Variants in PLCG2 observed in about 807,000 individuals in gnomAD.
PLCG2 encodes the protein 1-phosphatidylinositol 4,5-bisphosphate phosphodiesterase gamma-2.
In PLCG2, 69 loss-of-function variants were observed where a neutral mutation model predicts 175.6. The observed-to-expected ratio is 0.39, with a 90% CI of 0.32 to 0.48. The LOEUF (loss-of-function observed/expected upper bound fraction) is 0.48. PLCG2 is among the 20% of genes least tolerant of loss of function. The pLI is 0.91. For synonymous variants in PLCG2, 827 were observed against 624.0 expected (o/e 1.33, Z -4.85); for missense variants, 1,798 against 1,650.9 (o/e 1.09, Z -1.54).
At chr16:81,834,327 C>T (rs1014338955) in intron 2 of PLCG2, among the ~76,000 whole-genome samples, 2 of 152,134 alleles carry the variant, frequency 1.3e-5, no homozygotes, top group African/African-American at 2.4e-5. Flanking sequence ...GCTCGGTGTT[C>T]TGCTGGCTGC....
intron 18 of PLCG2, among the ~76,000 whole-genome samples, chr16:81,911,655 G>C (rs904147736): frequency 2.0e-5 from 3 of 151,920 alleles, no homozygotes; most frequent in Admixed American, 6.6e-5. Flanking sequence ...CTGTCTCCCA[G>C]GCTGGAGTGC....
intron 22 of PLCG2, among the ~76,000 whole-genome samples, chr16:81,924,817 A>C (rs980975214): frequency 6.6e-6 from 1 of 152,166 alleles, no homozygotes; most frequent in Non-Finnish European, 1.5e-5. Flanking sequence ...GCAGCCTCTG[A>C]TGCTTCCCCT....
chr16:81,800,437 C>T (rs1911669608), intron 2 of PLCG2, among the ~76,000 whole-genome samples: 1 of 152,128 alleles, frequency 6.6e-6, no homozygotes, highest in Admixed American at 6.6e-5. Context: ...CATTGATCAG[C>T]TCCCACTTAT....
At chr16:81,847,980 T>C (rs758502935) in intron 2 of PLCG2, among the ~76,000 whole-genome samples, 3 of 152,214 alleles carry the variant, frequency 2.0e-5, no homozygotes, top group Non-Finnish European at 4.4e-5. Flanking sequence ...CAGCAAGTTA[T>C]TCTGTGGGTA....
At chr16:81,853,400 C>T (rs548288697) in intron 2 of PLCG2, among the ~76,000 whole-genome samples, 11 of 151,982 alleles carry the variant, frequency 7.2e-5, no homozygotes, top group East Asian at 1.9e-4. Context: ...TTTATGCCAG[C>T]GTGCCAGTGC....
chr16:81,874,619 G>C (rs113395854), intron 7 of PLCG2, among the ~76,000 whole-genome samples: 8 of 152,266 alleles, frequency 5.3e-5, no homozygotes, highest in Non-Finnish European at 7.4e-5. Context: ...GATTTCTCAG[G>C]CTCCTGCAGG....
intron 19 of PLCG2, among the ~76,000 whole-genome samples, chr16:81,914,837 C>T (rs1909773567): frequency 6.6e-6 from 1 of 152,166 alleles, no homozygotes; most frequent in Admixed American, 6.5e-5. Context: ...GGCCGCTCCC[C>T]ACCTCACCCC....
chr16:81,947,118 AAAC>A (rs1911182670), intron 31 of PLCG2, among the ~76,000 whole-genome samples: 1 of 152,214 alleles, frequency 6.6e-6, no homozygotes, highest in Non-Finnish European at 1.5e-5. Flanking sequence ...AGGCTGTTGT[AAAC>A]AACCGGAAAC....
chr16:81,820,293 C>A (rs973957556), intron 2 of PLCG2, among the ~76,000 whole-genome samples: 2 of 152,218 alleles, frequency 1.3e-5, no homozygotes, highest in Non-Finnish European at 2.9e-5. Flanking sequence ...TCCCTCACTT[C>A]CCTCTGCAGT....
intron 7 of PLCG2, 85 bp from the exon 8 acceptor site, chr16:81,880,825 G>A (rs1908041354): frequency 8.1e-7 from 1 of 1,233,112 alleles, no homozygotes; most frequent in African/African-American, 1.5e-5. Flanking sequence ...ACAAAATGAT[G>A]CTTTTTTAAC....
chr16:81,939,262 G>A (rs1388680750), intron 29 of PLCG2, among the ~76,000 whole-genome samples: 2 of 152,154 alleles, frequency 1.3e-5, no homozygotes, highest in Admixed American at 1.3e-4. Flanking sequence ...GAACCTACGT[G>A]GCTGACCTGA....
At chr16:81,939,009 T>G in intron 29 of PLCG2, 94 bp downstream of exon 29, 1 of 727,554 alleles carries the variant, frequency 1.4e-6, no homozygotes, top group Non-Finnish European at 2.4e-6. Context: ...CAATGCTCTT[T>G]AGTTGTCCCA....
intron 5 of PLCG2, 161 bp downstream of exon 5, chr16:81,859,324 C>CA: frequency 3.5e-6 from 2 of 570,460 alleles, no homozygotes; most frequent in Non-Finnish European, 6.4e-6. Context: ...TTGAGGATGA[C>CA]AAAATCCTCC....
At chr16:81,907,276 A>G (rs970470101) in intron 15 of PLCG2, among the ~76,000 whole-genome samples, 1 of 152,142 alleles carries the variant, frequency 6.6e-6, no homozygotes, top group Non-Finnish European at 1.5e-5. Flanking sequence ...GTACTTTACA[A>G]TAAAACCAGA....
At chr16:81,927,539 C>T (rs771801873) in intron 23 of PLCG2, among the ~76,000 whole-genome samples, 3 of 152,104 alleles carry the variant, frequency 2.0e-5, no homozygotes, top group Non-Finnish European at 2.9e-5. Flanking sequence ...GTGCTTGGGG[C>T]GAGTAAGCAA....
intron 1 of PLCG2, among the ~76,000 whole-genome samples, chr16:81,747,845 C>T: frequency 6.6e-6 from 1 of 152,134 alleles, no homozygotes; most frequent in Non-Finnish European, 1.5e-5. Flanking sequence ...TTTTAGATTA[C>T]AGTAGACTAG....
At chr16:81,882,148 C>T (rs543414201) in intron 8 of PLCG2, among the ~76,000 whole-genome samples, 2 of 152,206 alleles carry the variant, frequency 1.3e-5, no homozygotes, top group Non-Finnish European at 2.9e-5. Context: ...CCTGCAAGTG[C>T]TCAGGGAAAC....
At position 81,827,799 on chromosome 16, in the gene PLCG2, G is replaced by C. The variant is rs553200360; in HGVS notation, c.194-26645G>C. Reference sequence around the variant, plus strand: ...GTGAAATCTCCTCATTTAAAAAAAAGCGTTGACGCCGCCAGGCACGGTGGT... The same window carrying C: ...GTGAAATCTCCTCATTTAAAAAAAACCGTTGACGCCGCCAGGCACGGTGGT... On this transcript the variant is annotated intron_variant, in intron 2 of 32. Coordinates refer to ENST00000564138, the MANE Select transcript of PLCG2 (RefSeq NM_002661.5). 4.6e-5 allele frequency among the ~76,000 whole-genome samples: 7 copies of C among 152,144 alleles called. 1 individual carries two copies. In the South Asian group the frequency reaches 1.2e-3, roughly 27 times the overall value.
At chr16:81,871,519 G>C (rs1025766354) in intron 7 of PLCG2, among the ~76,000 whole-genome samples, 3 of 152,068 alleles carry the variant, frequency 2.0e-5, no homozygotes, top group Non-Finnish European at 4.4e-5. Context: ...TGTATTTTTA[G>C]TAGAGATGGG....
Sources: allele counts gnomAD v4.1 joint callset (sites outside exome capture counted in the v4.1 genomes callset), GRCh38; gene constraint gnomAD v4.1.1; transcripts MANE v1.5; gene names NCBI Gene and HGNC (gene_info 2026-07-23, HGNC 2026-07-21).